Variants in CTNNA3 observed in about 807,000 individuals in gnomAD.
CTNNA3 encodes the protein catenin alpha-3.
In CTNNA3, 76 loss-of-function variants were observed where a neutral mutation model predicts 95.7. The observed-to-expected ratio is 0.79, with a 90% CI of 0.66 to 0.96. CTNNA3 has a LOEUF of 0.96. Among genes scored for constraint, CTNNA3 ranks in the 40% least tolerant of loss-of-function variants. CTNNA3 has a pLI of 0.00. For missense variants in CTNNA3, 1,191 were observed against 1,089.8 expected (o/e 1.09, Z -1.31); for synonymous variants, 431 against 374.4 (o/e 1.15, Z -1.74).
intron 5 of CTNNA3, among the ~76,000 whole-genome samples, chr10:67,271,743 G>C (rs765647830): frequency 6.6e-6 from 1 of 152,186 alleles, no homozygotes; most frequent in Non-Finnish European, 1.5e-5. Flanking sequence ...AGTAGTAGAA[G>C]TAAGCAAAGA....
chr10:67,675,518 T>C (rs575522869), intron 1 of CTNNA3, among the ~76,000 whole-genome samples: 16 of 152,268 alleles, frequency 1.1e-4, no homozygotes, highest in South Asian at 4.1e-4. Flanking sequence ...AATGGAAACA[T>C]TGAGTACCTC....
intron 7 of CTNNA3, among the ~76,000 whole-genome samples, chr10:66,973,092 C>T (rs888778378): frequency 1.3e-5 from 2 of 152,116 alleles, no homozygotes; most frequent in Non-Finnish European, 2.9e-5. Context: ...TTTTTTATTG[C>T]TTCTCAGCCT....
chr10:66,774,833 C>A (rs1317265051), intron 8 of CTNNA3, among the ~76,000 whole-genome samples: 1 of 152,146 alleles, frequency 6.6e-6, no homozygotes, highest in African/African-American at 2.4e-5. Flanking sequence ...CTTGTGGCAT[C>A]ATACTAGACT....
At chr10:66,992,948 C>T (rs898871387) in intron 7 of CTNNA3, among the ~76,000 whole-genome samples, 53 of 152,034 alleles carry the variant, frequency 3.5e-4, no homozygotes, top group Non-Finnish European at 2.2e-4. Context: ...ATTGTTATAG[C>T]TTTATAAGTT....
At chr10:67,580,469 T>C (rs1842346792) in intron 3 of CTNNA3, among the ~76,000 whole-genome samples, 2 of 151,756 alleles carry the variant, frequency 1.3e-5, no homozygotes, top group Admixed American at 6.5e-5. Flanking sequence ...AGCCTTGTAA[T>C]ATAGTTTGAA....
chr10:66,054,126 C>A (rs2080022926), intron 15 of CTNNA3, among the ~76,000 whole-genome samples: 1 of 151,956 alleles, frequency 6.6e-6, no homozygotes, highest in South Asian at 2.1e-4. Context: ...TCCATTTATC[C>A]TTTGATGGAT....
intron 6 of CTNNA3, among the ~76,000 whole-genome samples, chr10:67,192,638 T>G (rs1035727742): frequency 6.6e-6 from 1 of 151,950 alleles, no homozygotes; most frequent in Non-Finnish European, 1.5e-5. Flanking sequence ...AGGGAACTTT[T>G]GCACACTGCT....
At chr10:66,417,850 G>A (rs1213704195) in intron 11 of CTNNA3, among the ~76,000 whole-genome samples, 1 of 151,544 alleles carries the variant, frequency 6.6e-6, no homozygotes, top group Non-Finnish European at 1.5e-5. Context: ...AAAATCTGTG[G>A]GATACAGCTA....
At chr10:66,960,552 A>T (rs1046671798) in intron 7 of CTNNA3, among the ~76,000 whole-genome samples, 2 of 152,202 alleles carry the variant, frequency 1.3e-5, no homozygotes, top group African/African-American at 4.8e-5. Flanking sequence ...AATACAAGTT[A>T]ATTATTCACA....
intron 5 of CTNNA3, among the ~76,000 whole-genome samples, chr10:67,310,418 A>G (rs1255081647): frequency 6.6e-6 from 1 of 152,212 alleles, no homozygotes; most frequent in African/African-American, 2.4e-5. Context: ...TCTTTTTAAA[A>G]GCAAAGTTTT....
At chr10:66,971,294 T>C (rs1202472639) in intron 7 of CTNNA3, among the ~76,000 whole-genome samples, 2 of 152,092 alleles carry the variant, frequency 1.3e-5, no homozygotes, top group Admixed American at 6.5e-5. Context: ...GGCATGGTTG[T>C]GTGAGCCTGT....
In CTNNA3 at chr10:65,913,667, T is replaced by A. The variant is rs1378621940; in HGVS notation, c.*6663A>T. ...ATTTTTATAGTAGTTTAAAATTAATTTTATGTTTAAATATTCAGGAAGGAG... is the reference window on the plus strand; with the variant it reads ...ATTTTTATAGTAGTTTAAAATTAATATTATGTTTAAATATTCAGGAAGGAG... On this transcript the variant is annotated 3_prime_UTR_variant, in exon 18 of 18. Coordinates refer to ENST00000433211, the MANE Select transcript of CTNNA3 (RefSeq NM_013266.4). The A allele has an allele frequency of 6.6e-6, 1 of 152,102 alleles. No homozygotes were observed. Among genetic ancestry groups the A allele is most frequent in the Non-Finnish European group, 1.5e-5 (1 of 68,012 alleles). The allele number at this position is 152,102 out of a possible 1,614,324, so 9.4% of individuals were successfully genotyped here. A position where few individuals can be genotyped will look rare whatever the true frequency, so the allele number is the denominator to read the frequency against.
At chr10:66,471,543 C>T (rs925592571) in intron 11 of CTNNA3, among the ~76,000 whole-genome samples, 4 of 151,578 alleles carry the variant, frequency 2.6e-5, no homozygotes, top group South Asian at 4.2e-4. Flanking sequence ...TTTTATTTTA[C>T]ATCAACAATT....
At chr10:66,701,650 AATGATAC>A (rs1401799400) in intron 9 of CTNNA3, among the ~76,000 whole-genome samples, 2 of 152,156 alleles carry the variant, frequency 1.3e-5, no homozygotes, top group Non-Finnish European at 2.9e-5. Flanking sequence ...AATTACTCTT[AATGATAC>A]ATGTAAATAC....
intron 3 of CTNNA3, among the ~76,000 whole-genome samples, chr10:67,591,613 T>C (rs1589462728): frequency 1.3e-5 from 2 of 152,078 alleles, no homozygotes; most frequent in East Asian, 3.9e-4. Flanking sequence ...CATAATATGT[T>C]AATAGAAAAT....
At chr10:66,984,956 C>T (rs992233472) in intron 7 of CTNNA3, among the ~76,000 whole-genome samples, 1 of 152,084 alleles carries the variant, frequency 6.6e-6, no homozygotes, top group African/African-American at 2.4e-5. Context: ...GCCTAGATCC[C>T]ACCCTCATTT....
At chr10:66,478,630 T>C (rs1839408578) in intron 11 of CTNNA3, among the ~76,000 whole-genome samples, 2 of 151,918 alleles carry the variant, frequency 1.3e-5, no homozygotes, top group Non-Finnish European at 2.9e-5. Flanking sequence ...TAGATCATTA[T>C]TAGTAATAAA....
At chr10:67,106,757 T>C (rs1209703158) in intron 7 of CTNNA3, among the ~76,000 whole-genome samples, 7 of 152,204 alleles carry the variant, frequency 4.6e-5, no homozygotes, top group Non-Finnish European at 1.5e-5. Context: ...ACCCCAATGC[T>C]AAGTTCAAAA....
intron 5 of CTNNA3, among the ~76,000 whole-genome samples, chr10:67,410,631 C>CAAA (rs61451586): frequency 8.6e-6 from 1 of 116,868 alleles, no homozygotes; most frequent in Admixed American, 8.8e-5. Context: ...TCCCCCCACC[C>CAAA]AAAAAAAAAA....
Sources: gnomAD v4.1 joint callset for allele counts (sites outside exome capture counted in the v4.1 genomes callset) on GRCh38, gnomAD v4.1.1 for gene constraint, MANE v1.5 for transcripts, NCBI Gene and HGNC (gene_info 2026-07-23, HGNC 2026-07-21) for gene names.